FGF1: variants seen among roughly 807,000 people sequenced by gnomAD.
FGF1 encodes the protein fibroblast growth factor 1, also known as beta-endothelial cell growth factor.
Under a neutral mutation model 13.4 loss-of-function variants are expected in FGF1, and 9 were observed. The ratio of observed to expected loss-of-function variants is 0.67; its 90% confidence interval spans 0.40 to 1.17. FGF1 has a LOEUF of 1.17. Among genes scored for constraint, FGF1 ranks in the 50% most tolerant of loss-of-function variants. FGF1 has a pLI of 0.01. For synonymous variants in FGF1, 93 were observed against 79.0 expected, an observed-to-expected ratio of 1.18 and a Z score of -0.94; for missense variants, 156 against 192.7, an observed-to-expected ratio of 0.81 and a Z score of 1.13.
chr5:142,595,432 T>C lies in FGF1; in HGVS notation c.326A>G (p.Tyr109Cys). 2 of 1,614,074 alleles carry C rather than the reference T, an allele frequency of 1.2e-6. No individual in the cohort carries two copies. Among genetic ancestry groups the C allele is most frequent in the Non-Finnish European group, 1.7e-6 (2 of 1,179,928 alleles). ...ATGCTTCTTGGATATATAGGTGTTG[T>C]AATGGTTCTCCTCCAGCCTTTCCAG... is the stretch of plus-strand genomic sequence containing the variant. ...LFLERLEENH[Y>C]NTYISKKHAE... Residue 109 changes from tyrosine to cysteine, a missense_variant, in exon 4 of 4, where the codon TAC (tyrosine) becomes TGC (cysteine). Transcript: ENST00000337706.
chr5:142,660,011 G>A (rs1035951361), intron 1 of FGF1, among the ~76,000 whole-genome samples: 4 of 152,214 alleles, frequency 2.6e-5, no homozygotes, highest in Admixed American at 1.3e-4. Context: ...CAGGCCCTGC[G>A]TCAGGCGATT....
upstream of FGF1, among the ~76,000 whole-genome samples, chr5:142,689,222 T>G (rs1751741146): frequency 6.6e-6 from 1 of 152,292 alleles, no homozygotes; most frequent in South Asian, 2.1e-4. Flanking sequence ...TCTAATCTCA[T>G]TTGACCGTGT....
At chr5:142,635,252 C>T (rs572566834) in intron 1 of FGF1, among the ~76,000 whole-genome samples, 19 of 152,242 alleles carry the variant, frequency 1.2e-4, no homozygotes, top group Middle Eastern at 3.4e-3. Context: ...AACAGTACCT[C>T]GTAGGGTGTT....
At chr5:142,633,064 C>T (rs1446390453) in intron 1 of FGF1, among the ~76,000 whole-genome samples, 2 of 152,126 alleles carry the variant, frequency 1.3e-5, no homozygotes, top group East Asian at 1.9e-4. Context: ...GGACCACAGG[C>T]GCCCGCCACC....
At chr5:142,681,586 C>T (rs1210418424) in intron 1 of FGF1, among the ~76,000 whole-genome samples, 2 of 152,210 alleles carry the variant, frequency 1.3e-5, no homozygotes, top group East Asian at 1.9e-4. Flanking sequence ...AAATCCTGGC[C>T]TACTTTCTAG....
chr5:142,656,197 T>C (rs1768112787), intron 1 of FGF1, among the ~76,000 whole-genome samples: 1 of 150,638 alleles, frequency 6.6e-6, no homozygotes, highest in Non-Finnish European at 1.5e-5. Context: ...CAGTATCTTC[T>C]TCCAATATTG....
intron 1 of FGF1, 63 bp from the exon 2 acceptor site, chr5:142,614,224 A>G (rs930979223): frequency 1.3e-5 from 18 of 1,361,512 alleles, no homozygotes; most frequent in Non-Finnish European, 1.7e-5. Context: ...TGCACTTTGA[A>G]GAGAGGAAGG....
intron 1 of FGF1, among the ~76,000 whole-genome samples, chr5:142,640,435 G>GGC (rs1349092190): frequency 1.3e-5 from 2 of 149,272 alleles, no homozygotes; most frequent in Non-Finnish European, 3.0e-5. Context: ...GTGGGGGGGG[G>GGC]GGTCTCTCTG....
chr5:142,652,446 G>T (rs1241486064), intron 1 of FGF1, among the ~76,000 whole-genome samples: 1 of 152,208 alleles, frequency 6.6e-6, no homozygotes, highest in Non-Finnish European at 1.5e-5. Flanking sequence ...GCACTGCTCT[G>T]AAGAGAGCGC....
chr5:142,617,375 A>G lies in FGF1; in HGVS notation c.-34-3214T>C, dbSNP rs572443495. Among the ~76,000 whole-genome samples, 35 of 152,186 alleles carry G rather than the reference A, an allele frequency of 2.3e-4. 1 individual carries two copies. The highest frequency in any genetic ancestry group is 8.8e-5 in the Non-Finnish European group (6 of 68,002). On this transcript the variant is annotated intron_variant, in intron 1 of 3. Coordinates refer to ENST00000337706, the MANE Select transcript of FGF1 (RefSeq NM_000800.5). ...GCGAGACTCTGTCTCAAAAAAAAAA[A>G]GAATGGCTTTTCTTCTAGATTCTAG... is the stretch of plus-strand genomic sequence containing the variant.
At chr5:142,605,256 A>G (rs1358165105) in intron 2 of FGF1, among the ~76,000 whole-genome samples, 2 of 147,876 alleles carry the variant, frequency 1.4e-5, no homozygotes, top group South Asian at 2.1e-4. Flanking sequence ...ACAGGCACGC[A>G]CCATCATGCC....
chr5:142,600,741 C>T lies in FGF1; in HGVS notation c.234G>A (p.Gln78=). 3 of 1,613,658 alleles carry T rather than the reference C, an allele frequency of 1.9e-6. No homozygotes were observed. Among genetic ancestry groups the T allele is most frequent in the Non-Finnish European group, 2.5e-6 (3 of 1,179,548 alleles). ...GCCCGTCGGTGTCCATGGCCAAGTACTGGCCAGTCTCGGTACTCTTTATAT... is the reference window on the plus strand; with the variant it reads ...GCCCGTCGGTGTCCATGGCCAAGTATTGGCCAGTCTCGGTACTCTTTATAT... ...EVYIKSTETG[Q]YLAMDTDGLL... is the part of the protein sequence containing the mutation. The change falls in exon 3 of 4, where the codon CAG becomes CAA. Residue 78 remains glutamine, a synonymous_variant. Coordinates refer to ENST00000337706, the MANE Select transcript of FGF1 (RefSeq NM_000800.5).
chr5:142,632,738 C>T (rs749867592), intron 1 of FGF1, among the ~76,000 whole-genome samples: 4 of 152,194 alleles, frequency 2.6e-5, no homozygotes, highest in Non-Finnish European at 5.9e-5. Flanking sequence ...GGAATTTCCC[C>T]CTCATTAATA....
intron 1 of FGF1, among the ~76,000 whole-genome samples, chr5:142,665,709 A>C (rs1329073984): frequency 6.6e-6 from 1 of 152,108 alleles, no homozygotes; most frequent in East Asian, 1.9e-4. Context: ...ACACACTTAG[A>C]GCCTCCCCAT....
chr5:142,604,099 G>C (rs577268861), intron 2 of FGF1, among the ~76,000 whole-genome samples: 1 of 152,296 alleles, frequency 6.6e-6, no homozygotes. Context: ...AGGGTATCCA[G>C]GGCCAGGGTG....
intron 1 of FGF1, among the ~76,000 whole-genome samples, chr5:142,660,313 C>T (rs532595466): frequency 1.3e-5 from 2 of 152,346 alleles, no homozygotes; most frequent in South Asian, 2.1e-4. Context: ...AGTTGGCCCC[C>T]GGCACAGGGT....
At chr5:142,696,338 G>GC (rs1450033838) in intron 2 of FGF1, among the ~76,000 whole-genome samples, 1 of 152,142 alleles carries the variant, frequency 6.6e-6, no homozygotes, top group Non-Finnish European at 1.5e-5. Flanking sequence ...CCTGCATCTA[G>GC]CCCCCTTTGT....
rs748034939 is a variant in FGF1 at position 142,595,324 on chromosome 5, A to G, written c.434T>C (p.Ile145Thr). The G allele has an allele frequency of 3.7e-6, 6 of 1,613,976 alleles. No homozygotes were observed. Among genetic ancestry groups the G allele is most frequent in the Non-Finnish European group, 5.1e-6 (6 of 1,179,910 alleles). ...GPRTHYGQKA[I>T]LFLPLPVSSD is the part of the protein sequence containing the mutation. ...AGAGACTGGCAGGGGGAGAAACAAG[A>G]TTGCTTTCTGGCCATAGTGAGTCCG... The change falls in exon 4 of 4, where the codon ATC (isoleucine) becomes ACC (threonine). Residue 145 changes from isoleucine to threonine, a missense_variant. Physicochemically the swap from Ile to Thr is moderately conservative, Grantham distance 89 (BLOSUM62 -1). Coordinates refer to ENST00000337706, the MANE Select transcript of FGF1 (RefSeq NM_000800.5).
chr5:142,613,551 G>T (rs976402612), intron 2 of FGF1, among the ~76,000 whole-genome samples: 1 of 152,244 alleles, frequency 6.6e-6, no homozygotes, highest in African/African-American at 2.4e-5. Context: ...CAGTTGACTT[G>T]AAACGGAGCC....
Sources: allele counts gnomAD v4.1 joint callset (sites outside exome capture counted in the v4.1 genomes callset), GRCh38; gene constraint gnomAD v4.1.1; transcripts MANE v1.5; gene names NCBI Gene and HGNC (gene_info 2026-07-23, HGNC 2026-07-21).